Variants in UNC80 observed in about 807,000 individuals in gnomAD.
The protein encoded by UNC80 is unc-80 subunit of NALCN channel complex.
Under a neutral mutation model 384.6 loss-of-function variants are expected in UNC80, and 164 were observed. The ratio of observed to expected loss-of-function variants is 0.43; its 90% CI spans 0.38 to 0.49. The LOEUF is 0.49. Ranked by LOEUF, UNC80 falls within the 20% of genes least tolerant of loss-of-function variation. UNC80 has a pLI of 0.00. For synonymous variants in UNC80, 1,486 were observed against 1,527.8 expected (o/e 0.97, Z 0.64); for missense variants, 3,330 against 4,143.0 (o/e 0.80, Z 5.39).
At chr2:209,804,031 C>T (rs1372797938) in intron 7 of UNC80, among the ~76,000 whole-genome samples, 1 of 152,128 alleles carries the variant, frequency 6.6e-6, no homozygotes, top group East Asian at 1.9e-4. Flanking sequence ...GCTGCCATTC[C>T]CAGCCTTTAT....
rs1294920326 is a variant in UNC80, at chr2:209,813,793, C to T, written c.1152C>T (p.Ser384=). 6 of 1,552,090 alleles carry T rather than the reference C, an allele frequency of 3.9e-6. No individual in the cohort carries two copies. The highest frequency in any genetic ancestry group is 2.0e-5 in the Admixed American group (1 of 50,992). ...CTCTCCTGCCCAGACCCAGGAGTAGCTCCATGGTGGCAGCAGCTCCCTCAC... is the reference window on the plus strand; with the variant it reads ...CTCTCCTGCCCAGACCCAGGAGTAGTTCCATGGTGGCAGCAGCTCCCTCAC... ...DIPLLPRPRS[S]SMVAAAPSLV... is the part of the protein sequence containing the mutation. Residue 384 remains serine, a synonymous_variant, in exon 8 of 65, where the codon AGC becomes AGT. Transcript: ENST00000673920.
chr2:209,908,189 A>G (rs74933056), intron 29 of UNC80, among the ~76,000 whole-genome samples: 2,477 of 152,374 alleles, frequency 0.016, 77 homozygotes, highest in African/African-American at 0.056. Context: ...AGAGTGGGCA[A>G]TGAAGCAAGA....
chr2:209,976,243 C>T lies in UNC80; in HGVS notation c.8712C>T (p.Asp2904=). ...VGGLALWDFL[D]FIVRTRIPIF... is the part of the protein sequence containing the mutation. ...GCCTGGCCCTTTGGGATTTCCTCGA[C>T]TTCATCGTGCGGACCCGAATACCCA... The change falls in exon 57 of 65, where the codon GAC becomes GAT. Residue 2904 remains aspartate (D), a synonymous_variant. Coordinates refer to ENST00000673920, the MANE Select transcript of UNC80 (RefSeq NM_001371986.1). The surrounding 1 kb of genome is among the most constrained non-coding windows in gnomAD (Gnocchi z 4.3). 5 of 1,551,742 alleles carry T rather than the reference C, an allele frequency of 3.2e-6. No individual in the cohort carries two copies. Among genetic ancestry groups the T allele is most frequent in the Non-Finnish European group, 4.4e-6 (5 of 1,147,008 alleles).
At chr2:209,815,755 T>C (rs1264903122) in intron 9 of UNC80, among the ~76,000 whole-genome samples, 1 of 152,222 alleles carries the variant, frequency 6.6e-6, no homozygotes, top group African/African-American at 2.4e-5. Flanking sequence ...ATAGTTCTCA[T>C]TTAATCCAAT....
At chr2:209,773,182 T>G in intron 2 of UNC80, 40 bp downstream of exon 2, 1 of 1,563,546 alleles carries the variant, frequency 6.4e-7, no homozygotes, top group Non-Finnish European at 8.8e-7. Context: ...TTCCCTATTC[T>G]GTGTGGTGGT....
chr2:209,784,103 T>G (rs2077293344), intron 4 of UNC80, among the ~76,000 whole-genome samples: 2 of 152,118 alleles, frequency 1.3e-5, no homozygotes, highest in Non-Finnish European at 1.5e-5. Context: ...CCTTGACAAC[T>G]TTTTCTCTCA....
chr2:209,965,952 T>A (rs2092730851), intron 51 of UNC80, among the ~76,000 whole-genome samples: 1 of 148,176 alleles, frequency 6.7e-6, no homozygotes, highest in African/African-American at 2.5e-5. Flanking sequence ...AAAAAAAAAA[T>A]CTTATTTTTC....
intron 13 of UNC80, among the ~76,000 whole-genome samples, chr2:209,822,034 G>A (rs763503896): frequency 2.6e-5 from 4 of 151,858 alleles, no homozygotes; most frequent in Non-Finnish European, 4.4e-5. Flanking sequence ...CATTTCTTTC[G>A]AGTCCCACTT....
At chr2:209,920,761 T>A (rs1275157653) in intron 33 of UNC80, among the ~76,000 whole-genome samples, 1 of 152,142 alleles carries the variant, frequency 6.6e-6, no homozygotes, top group African/African-American at 2.4e-5. Flanking sequence ...ATATGAGAGA[T>A]CTCTCTTTCT....
chr2:209,962,472 A>G (rs2092624339), intron 51 of UNC80, among the ~76,000 whole-genome samples: 1 of 152,220 alleles, frequency 6.6e-6, no homozygotes, highest in African/African-American at 2.4e-5. Context: ...CAACATCCCC[A>G]TAGTAGATAA....
At chr2:209,815,480 G>A in intron 9 of UNC80, 89 bp downstream of exon 9, 4 of 1,386,032 alleles carry the variant, frequency 2.9e-6, no homozygotes, top group Admixed American at 4.8e-5. Context: ...CTGCAGTATG[G>A]GGTGAGGTGG....
Position 209,996,405 on chromosome 2 carries a change from C to T in UNC80, c.*810C>T, listed in dbSNP as rs1032913740. Reference sequence around the variant, plus strand: ...CTTAAAAGAGATGGTATTCCTATTCCTAGCCCTGACTACATCAATACCAAG... The same window carrying T: ...CTTAAAAGAGATGGTATTCCTATTCTTAGCCCTGACTACATCAATACCAAG... On this transcript the variant is annotated 3_prime_UTR_variant, in exon 65 of 65. Transcript: ENST00000673920. 1 of 152,154 alleles carries T rather than the reference C, an allele frequency of 6.6e-6. No homozygotes were observed. The highest frequency in any genetic ancestry group is 6.5e-5 in the Admixed American group (1 of 15,288). 9.4% of individuals were successfully genotyped at this position (152,154 alleles called of 1,614,324 possible).
At chr2:209,783,304 A>G (rs906703366) in intron 4 of UNC80, among the ~76,000 whole-genome samples, 34 of 152,156 alleles carry the variant, frequency 2.2e-4, no homozygotes, top group African/African-American at 7.9e-4. Flanking sequence ...CTGCTTGTGT[A>G]TGTATACATA....
intron 22 of UNC80, among the ~76,000 whole-genome samples, chr2:209,871,777 A>T (rs1434043132): frequency 1.3e-5 from 2 of 149,450 alleles, no homozygotes; most frequent in Non-Finnish European, 3.0e-5. Context: ...TTCTTACCAG[A>T]TTCTGGATAT....
chr2:209,774,987 G>A (rs1397659307), intron 2 of UNC80, among the ~76,000 whole-genome samples: 1 of 152,064 alleles, frequency 6.6e-6, no homozygotes, highest in Non-Finnish European at 1.5e-5. Context: ...CTTGGGACTT[G>A]TTTATGATTA....
intron 61 of UNC80, 79 bp downstream of exon 61, chr2:209,984,991 TTC>T: frequency 7.9e-7 from 1 of 1,268,904 alleles, no homozygotes; most frequent in Non-Finnish European, 1.1e-6. Context: ...TCTCTCTGTC[TTC>T]TCTGTCTCTT....
At chr2:209,847,055 G>T (rs573886811) in intron 21 of UNC80, among the ~76,000 whole-genome samples, 24 of 152,130 alleles carry the variant, frequency 1.6e-4, no homozygotes, top group African/African-American at 5.5e-4. Context: ...TTGTGGCATT[G>T]TGGTAAGAGT....
chr2:209,870,325 C>A (rs1008681742), intron 22 of UNC80, among the ~76,000 whole-genome samples: 1 of 152,180 alleles, frequency 6.6e-6, no homozygotes, highest in Admixed American at 6.5e-5. Flanking sequence ...GACAAACGTT[C>A]CAACCTTTAC....
chr2:209,933,457 G>T (rs1474968279), intron 38 of UNC80, among the ~76,000 whole-genome samples: 1 of 148,340 alleles, frequency 6.7e-6, no homozygotes, highest in African/African-American at 2.5e-5. Context: ...TTAGGTTTGA[G>T]ACTATTAGAC....
Sources: gnomAD v4.1 joint callset for allele counts (sites outside exome capture counted in the v4.1 genomes callset) on GRCh38, gnomAD v4.1.1 for gene constraint, Gnocchi (gnomAD v3.1) non-coding constraint, MANE v1.5 for transcripts, NCBI Gene and HGNC (gene_info 2026-07-23, HGNC 2026-07-21) for gene names.